Variants in ALK observed in about 807,000 individuals in gnomAD.
ALK encodes the protein ALK receptor tyrosine kinase.
ALK carries 74 observed loss-of-function variants against 163.1 expected under a neutral mutation model. The ratio of observed to expected loss-of-function variants is 0.45; its 90% CI spans 0.38 to 0.55. The LOEUF (loss-of-function observed/expected upper bound fraction) is 0.55. Among genes scored for constraint, ALK ranks in the 20% least tolerant of loss-of-function variants. ALK has a pLI of 0.00. For missense variants in ALK, 2,063 were observed against 2,105.3 expected, an observed-to-expected ratio of 0.98 and a Z score of 0.39; for synonymous variants, 960 against 843.2, an observed-to-expected ratio of 1.14 and a Z score of -2.40.
At chr2:29,318,224 G>T in intron 8 of ALK, 80 bp downstream of exon 8, 2 of 1,206,252 alleles carry the variant, frequency 1.7e-6, no homozygotes, top group Non-Finnish European at 2.5e-6. Flanking sequence ...AGCCAGCTAG[G>T]CTACTTTCTT....
chr2:29,312,911 A>C lies in ALK; in HGVS notation c.1647+5393T>G, dbSNP rs150754144. 1.2e-3 allele frequency among the ~76,000 whole-genome samples: 183 copies of C among 152,334 alleles called. 2 individuals carry two copies. Among genetic ancestry groups the C allele is most frequent in the African/African-American group, 4.4e-3 (181 of 41,572 alleles). On this transcript the variant is annotated intron_variant, in intron 8 of 28. Transcript: ENST00000389048. ...CAGCATCAGATGAGATGGGGGTTGG[A>C]CATCCACAGGAACTCTGCCTGATGA... is the stretch of plus-strand genomic sequence containing the variant.
At chr2:29,197,729 TCA>T (rs138054421) in intron 26 of ALK, 53 bp from the exon 27 acceptor site, 2,264 of 1,330,892 alleles carry the variant, frequency 1.7e-3, no homozygotes, top group Non-Finnish European at 2.1e-3. Context: ...CCACCCACAT[TCA>T]CACACACACA....
intron 3 of ALK, among the ~76,000 whole-genome samples, chr2:29,688,672 G>A (rs1678305872): frequency 6.6e-6 from 1 of 152,112 alleles, no homozygotes; most frequent in South Asian, 2.1e-4. Context: ...GAAAAGAAAG[G>A]AATATTGTTC....
At chr2:29,677,283 C>CCCCTT (rs1365938710) in intron 3 of ALK, among the ~76,000 whole-genome samples, 1 of 127,476 alleles carries the variant, frequency 7.8e-6, no homozygotes, top group Non-Finnish European at 1.6e-5. Flanking sequence ...CCCATCCCCT[C>CCCCTT]CCCTTCCCTT....
chr2:29,540,547 T>C (rs1401199630), intron 3 of ALK, among the ~76,000 whole-genome samples: 1 of 151,300 alleles, frequency 6.6e-6, no homozygotes, highest in Admixed American at 6.6e-5. Flanking sequence ...TATTTGTCTT[T>C]GGTAGAAATA....
At chr2:29,418,344 T>A (rs1247631022) in intron 4 of ALK, among the ~76,000 whole-genome samples, 1 of 152,204 alleles carries the variant, frequency 6.6e-6, no homozygotes, top group African/African-American at 2.4e-5. Context: ...GTTTTTATGC[T>A]CTCTACTCTC....
intron 3 of ALK, among the ~76,000 whole-genome samples, chr2:29,617,560 A>G (rs1675883261): frequency 6.6e-6 from 1 of 152,182 alleles, no homozygotes; most frequent in Admixed American, 6.5e-5. Context: ...AGACTGTCTC[A>G]GGCTCCTCTG....
intron 1 of ALK, among the ~76,000 whole-genome samples, chr2:29,812,518 C>T (rs1460368699): frequency 6.6e-6 from 1 of 152,052 alleles, no homozygotes; most frequent in Admixed American, 6.6e-5. Context: ...GCACCACTCA[C>T]CCTAAGAATT....
chr2:29,727,215 C>T (rs998388574), intron 1 of ALK, among the ~76,000 whole-genome samples: 2 of 152,194 alleles, frequency 1.3e-5, no homozygotes, highest in Non-Finnish European at 2.9e-5. Context: ...GAAATTGGTC[C>T]TTGGCTTGTC....
intron 4 of ALK, among the ~76,000 whole-genome samples, chr2:29,403,735 A>AT (rs1669509030): frequency 6.8e-6 from 1 of 147,846 alleles, no homozygotes; most frequent in African/African-American, 2.5e-5. Flanking sequence ...AAAAAAAAAA[A>AT]AAAGGAAGAA....
At chr2:29,610,797 C>T (rs185541489) in intron 3 of ALK, among the ~76,000 whole-genome samples, 3 of 152,224 alleles carry the variant, frequency 2.0e-5, no homozygotes, top group African/African-American at 7.2e-5. Context: ...TGCTTCTCAA[C>T]AATAATTAAA....
rs2148443908 is a variant in ALK, at chr2:29,920,557, C to T, written c.103G>A (p.Gly35Arg). The change falls in exon 1 of 29, where the codon GGG becomes AGG. Residue 35 changes from glycine to arginine, a missense_variant. Physicochemically the swap from Gly to Arg is moderately radical, Grantham distance 125. Transcript: ENST00000389048. ...GGCTCCCGGGGCTGCAGCGGCGGCC[C>T]CGCAGCTGGGGAGCCCGCGCGCTGG... ...TGQRAGSPAAGPPLQPREPLS... is the reference protein window; with the variant it reads ...TGQRAGSPAARPPLQPREPLS... The T allele has an allele frequency of 1.2e-6, 2 of 1,602,018 alleles. No individual in the cohort carries two copies. Among genetic ancestry groups the T allele is most frequent in the Non-Finnish European group, 1.7e-6 (2 of 1,176,646 alleles).
At chr2:29,359,197 C>T (rs959225206) in intron 5 of ALK, among the ~76,000 whole-genome samples, 2 of 152,192 alleles carry the variant, frequency 1.3e-5, no homozygotes, top group Non-Finnish European at 2.9e-5. Flanking sequence ...ACTAACACTG[C>T]AGCATCCACA....
At chr2:29,759,270 A>T (rs1056459238) in intron 1 of ALK, among the ~76,000 whole-genome samples, 3 of 152,168 alleles carry the variant, frequency 2.0e-5, no homozygotes, top group African/African-American at 7.2e-5. Flanking sequence ...CGTTTAGTCA[A>T]CTAAGTGGGC....
chr2:29,771,556 G>GA, intron 1 of ALK, among the ~76,000 whole-genome samples: 1 of 150,498 alleles, frequency 6.6e-6, no homozygotes, highest in Non-Finnish European at 1.5e-5. Flanking sequence ...GGTTGGGGGA[G>GA]CTGAGTCTCA....
chr2:29,802,898 C>T (rs1664521934), intron 1 of ALK, among the ~76,000 whole-genome samples: 1 of 151,766 alleles, frequency 6.6e-6, no homozygotes, highest in Non-Finnish European at 1.5e-5. Context: ...ACAGCCATCC[C>T]CTCAACACTG....
chr2:29,363,825 C>T (rs190084454), intron 5 of ALK, among the ~76,000 whole-genome samples: 10 of 152,216 alleles, frequency 6.6e-5, no homozygotes, highest in South Asian at 2.1e-4. Flanking sequence ...AAAAACACAT[C>T]GAGGAACCCA....
intron 3 of ALK, among the ~76,000 whole-genome samples, chr2:29,674,365 T>C (rs1173816147): frequency 1.3e-5 from 2 of 151,900 alleles, no homozygotes; most frequent in African/African-American, 2.4e-5. Context: ...ACCTAATTTA[T>C]TGGGAGTTTT....
intron 1 of ALK, among the ~76,000 whole-genome samples, chr2:29,913,879 T>A (rs1465323194): frequency 6.7e-6 from 1 of 150,266 alleles, no homozygotes; most frequent in East Asian, 1.9e-4. Context: ...ATGCTGAAAA[T>A]ACAGAAAGAA....
Sources: gnomAD v4.1 joint callset for allele counts (sites outside exome capture counted in the v4.1 genomes callset) on GRCh38, gnomAD v4.1.1 for gene constraint, MANE v1.5 for transcripts, NCBI Gene and HGNC (gene_info 2026-07-23, HGNC 2026-07-21) for gene names.